SFSWAP: variants seen among roughly 807,000 people sequenced by gnomAD.
The protein encoded by SFSWAP is splicing factor, suppressor of white-apricot homolog.
A neutral mutation model predicts 100.7 loss-of-function variants in SFSWAP; 17 were observed. The ratio of observed to expected loss-of-function variants is 0.17; its 90% CI spans 0.12 to 0.25. The LOEUF is 0.25. SFSWAP is among the 10% of genes least tolerant of loss of function. The pLI is 1.00. For synonymous variants in SFSWAP, 504 were observed against 510.1 expected (o/e 0.99, Z 0.16); for missense variants, 1,005 against 1,262.6 (o/e 0.80, Z 3.09).
intron 14 of SFSWAP, chr12:131,783,452 T>C (rs952992581): frequency 6.6e-6 from 1 of 152,120 alleles, no homozygotes; most frequent in Non-Finnish European, 1.5e-5. Context: ...GATCTTTGAA[T>C]GTTGTCATTT....
chr12:131,780,364 T>C (rs568233021), intron 14 of SFSWAP, among the ~76,000 whole-genome samples: 5 of 152,342 alleles, frequency 3.3e-5, no homozygotes, highest in Admixed American at 1.3e-4. Flanking sequence ...AAATTTCTCA[T>C]TTGAGGCCAG....
chr12:131,731,087 G>A (rs903133948), intron 7 of SFSWAP, among the ~76,000 whole-genome samples: 1 of 152,176 alleles, frequency 6.6e-6, no homozygotes, highest in Non-Finnish European at 1.5e-5. Flanking sequence ...GTCAGAAGGT[G>A]GGGGAGGTGT....
At chr12:131,761,282 T>C (rs1882657578) in intron 11 of SFSWAP, among the ~76,000 whole-genome samples, 1 of 152,216 alleles carries the variant, frequency 6.6e-6, no homozygotes, top group South Asian at 2.1e-4. Flanking sequence ...ATAAGAGTTG[T>C]TAGCTAAAAA....
chr12:131,729,702 T>G (rs1209902945), intron 7 of SFSWAP, among the ~76,000 whole-genome samples: 6 of 152,218 alleles, frequency 3.9e-5, no homozygotes, highest in Non-Finnish European at 7.3e-5. Context: ...ATTCAGAGGT[T>G]AAATATGGAA....
chr12:131,730,225 G>C lies in SFSWAP; in HGVS notation c.1081+1797G>C, dbSNP rs1297937020. On this transcript the variant is annotated intron_variant, in intron 7 of 17. Transcript: ENST00000261674. This position sits in a 1 kb window ranked among gnomAD's most constrained non-coding sequence, Gnocchi z 4.0. ...CCACTCGGCAGCCTGTGAAGCTCCCGCCCTGGAGTCATGGGGCGCTGTGCT... is the reference window on the plus strand; with the variant it reads ...CCACTCGGCAGCCTGTGAAGCTCCCCCCCTGGAGTCATGGGGCGCTGTGCT... Among the ~76,000 whole-genome samples, 6 of 152,152 alleles carry C rather than the reference G, an allele frequency of 3.9e-5. No homozygotes were observed. The highest frequency in any genetic ancestry group is 8.8e-5 in the Non-Finnish European group (6 of 68,014).
At chr12:131,766,363 G>A (rs1480562042) in intron 13 of SFSWAP, 55 bp downstream of exon 13, 2 of 1,518,466 alleles carry the variant, frequency 1.3e-6, no homozygotes, top group African/African-American at 1.4e-5. Flanking sequence ...ATAGAGGCAG[G>A]GAGGATGTGT....
At chr12:131,746,920 C>A (rs1022404091) in intron 7 of SFSWAP, among the ~76,000 whole-genome samples, 7 of 151,988 alleles carry the variant, frequency 4.6e-5, no homozygotes, top group African/African-American at 1.7e-4. Flanking sequence ...CTGGCTAACA[C>A]GGTGAAACCC....
At chr12:131,764,411 T>C (rs766892345) in intron 11 of SFSWAP, 45 bp from the exon 12 acceptor site, 1 of 1,533,268 alleles carries the variant, frequency 6.5e-7, no homozygotes, top group Non-Finnish European at 9.0e-7. Context: ...CTGCAAAGAT[T>C]TCCACTCTGT....
intron 7 of SFSWAP, among the ~76,000 whole-genome samples, chr12:131,746,406 C>T (rs549102922): frequency 7.9e-5 from 12 of 152,300 alleles, no homozygotes; most frequent in Middle Eastern, 3.4e-3. Flanking sequence ...TAGACCCAGG[C>T]GGAGCAAGCT....
chr12:131,753,787 G>A (rs1881887940), intron 8 of SFSWAP, among the ~76,000 whole-genome samples: 1 of 152,140 alleles, frequency 6.6e-6, no homozygotes, highest in Non-Finnish European at 1.5e-5. Flanking sequence ...TGGCCACCAG[G>A]GGACCCTGGC....
intron 7 of SFSWAP, among the ~76,000 whole-genome samples, chr12:131,736,032 A>T (rs895904855): frequency 6.6e-6 from 1 of 152,212 alleles, no homozygotes; most frequent in African/African-American, 2.4e-5. Flanking sequence ...GGTGTTTGTC[A>T]TGGCACCAGC....
rs147498498 is a variant in SFSWAP at position 131,733,817 on chromosome 12, G to A, written c.1081+5389G>A. ...TTCAGGCTTGTCTTCCTGCCGCAGC[G>A]CAGCAGCCCTCCCATGCCTGGGTCC... On this transcript the variant is annotated intron_variant, in intron 7 of 17. Coordinates refer to ENST00000261674, the MANE Select transcript of SFSWAP (RefSeq NM_004592.4). This position sits in a 1 kb window ranked among gnomAD's most constrained non-coding sequence, Gnocchi z 5.1. Among the ~76,000 whole-genome samples the A allele has an allele frequency of 3.7e-3, 569 of 152,158 alleles. 4 individuals carry two copies. Among genetic ancestry groups the A allele is most frequent in the Non-Finnish European group, 3.9e-3 (268 of 67,972 alleles).
At chr12:131,719,726 T>C (rs962573751) in intron 4 of SFSWAP, among the ~76,000 whole-genome samples, 187 bp downstream of exon 4, 1 of 152,192 alleles carries the variant, frequency 6.6e-6, no homozygotes, top group Non-Finnish European at 1.5e-5. Flanking sequence ...GGAAGAATTA[T>C]AGCAAAAGAG....
At chr12:131,717,867 A>G (rs1423899274) in intron 3 of SFSWAP, among the ~76,000 whole-genome samples, 1 of 152,196 alleles carries the variant, frequency 6.6e-6, no homozygotes, top group Non-Finnish European at 1.5e-5. Context: ...AATAGCTGGG[A>G]TTACAGGCGC....
intron 15 of SFSWAP, among the ~76,000 whole-genome samples, chr12:131,787,840 G>T (rs942821902): frequency 3.9e-5 from 6 of 152,192 alleles, no homozygotes; most frequent in Non-Finnish European, 8.8e-5. Flanking sequence ...TAGTACCACG[G>T]TTCCCTCCGT....
rs1308267606 is a variant in SFSWAP at position 131,714,174 on chromosome 12, G to T, written c.322G>T (p.Ala108Ser). 1.9e-6 allele frequency: 3 copies of T among 1,613,844 alleles called. No individual in the cohort carries two copies. The highest frequency in any genetic ancestry group is 1.6e-4 in the Middle Eastern group (1 of 6,084). Reference protein sequence around the residue: ...QLSEEEARIEALCDEERYLAL... With the variant: ...QLSEEEARIESLCDEERYLAL... The stretch of plus-strand genomic sequence containing the variant: ...GTCTGAAGAGGAGGCGCGAATAGAG[G>T]CCCTGTGTGATGAAGAGAGGTATTT... Residue 108 changes from alanine (A) to serine (S), a missense_variant, in exon 2 of 18, where the codon GCC (alanine) becomes TCC (serine). Around this residue, in one of 7 missense-constraint regions of SFSWAP, gnomAD observed 237 missense variants for 337.0 expected, o/e 0.70. Coordinates refer to ENST00000261674, the MANE Select transcript of SFSWAP (RefSeq NM_004592.4). This position sits in a 1 kb window ranked among gnomAD's most constrained non-coding sequence, Gnocchi z 6.0.
intron 13 of SFSWAP, among the ~76,000 whole-genome samples, chr12:131,777,650 T>C (rs920296243): frequency 1.2e-4 from 18 of 152,210 alleles, no homozygotes; most frequent in African/African-American, 3.9e-4. Flanking sequence ...ATCCTTTGGG[T>C]ATATACCCAG....
intron 11 of SFSWAP, among the ~76,000 whole-genome samples, chr12:131,760,731 T>C (rs1882594091): frequency 6.6e-6 from 1 of 152,182 alleles, no homozygotes; most frequent in African/African-American, 2.4e-5. Flanking sequence ...TATTGCTGTC[T>C]GTTTAAGTGG....
chr12:131,736,408 G>T (rs1055618942), intron 7 of SFSWAP, among the ~76,000 whole-genome samples: 1 of 151,804 alleles, frequency 6.6e-6, no homozygotes, highest in Non-Finnish European at 1.5e-5. Flanking sequence ...TTTAAAAAAT[G>T]AGGGGAAAAA....
Sources: gnomAD v4.1 joint callset for allele counts (sites outside exome capture counted in the v4.1 genomes callset) on GRCh38, gnomAD v4.1.1 for gene constraint, gnomAD v4.1.1 regional missense constraint, Gnocchi (gnomAD v3.1) non-coding constraint, MANE v1.5 for transcripts, NCBI Gene and HGNC (gene_info 2026-07-23, HGNC 2026-07-21) for gene names.